SGCZ: variants seen among roughly 807,000 people sequenced by gnomAD.
SGCZ encodes the protein zeta-sarcoglycan.
SGCZ carries 40 observed loss-of-function variants against 41.3 expected under a neutral mutation model. The observed-to-expected ratio is 0.97, with a 90% CI of 0.75 to 1.26. SGCZ has a LOEUF of 1.26. Ranked by LOEUF, SGCZ falls within the 50% of genes most tolerant of loss-of-function variation. The pLI is 0.00. For synonymous variants in SGCZ, 206 were observed against 137.5 expected, an observed-to-expected ratio of 1.50 and a Z score of -3.49; for missense variants, 552 against 369.8, an observed-to-expected ratio of 1.49 and a Z score of -4.04.
chr8:14,247,131 C>T (rs1042041304), intron 3 of SGCZ, among the ~76,000 whole-genome samples: 6 of 152,084 alleles, frequency 3.9e-5, no homozygotes, highest in African/African-American at 1.4e-4. Flanking sequence ...ATGTATCAAT[C>T]AACTTTATGC....
intron 7 of SGCZ, among the ~76,000 whole-genome samples, chr8:14,095,460 G>A (rs568633461): frequency 1.3e-5 from 2 of 149,052 alleles, no homozygotes; most frequent in South Asian, 2.1e-4. Flanking sequence ...TTCTGAGGCC[G>A]CTGTTCTGTT....
intron 1 of SGCZ, among the ~76,000 whole-genome samples, chr8:14,759,799 G>T (rs1321575621): frequency 6.6e-6 from 1 of 152,136 alleles, no homozygotes; most frequent in Non-Finnish European, 1.5e-5. Context: ...GTATTAGTGA[G>T]TGTCTGTGAT....
At chr8:14,904,272 T>A (rs1799060534) in intron 1 of SGCZ, among the ~76,000 whole-genome samples, 1 of 152,078 alleles carries the variant, frequency 6.6e-6, no homozygotes, top group Non-Finnish European at 1.5e-5. Flanking sequence ...ATCCCTGTGG[T>A]CGTTCCTGAA....
At position 14,197,846 on chromosome 8, in the gene SGCZ, G is replaced by A. The variant is rs1379439546; in HGVS notation, c.425-33144C>T. On this transcript the variant is annotated intron_variant, in intron 4 of 7. Coordinates refer to ENST00000382080, the MANE Select transcript of SGCZ (RefSeq NM_139167.4). ...AAGAAAAATAAATGAATAACACAGA[G>A]TCTGGAAAAAACTTAAACAATTTCT... Among the ~76,000 whole-genome samples the A allele has an allele frequency of 4.0e-5, 6 of 151,870 alleles. No homozygotes were observed. In the East Asian group the frequency reaches 1.2e-3, roughly 29 times the overall value.
intron 1 of SGCZ, among the ~76,000 whole-genome samples, chr8:15,231,479 C>T (rs1801936732): frequency 6.6e-6 from 1 of 151,958 alleles, no homozygotes. Flanking sequence ...CTTAAATTTG[C>T]TCATTCTGTG....
At chr8:15,042,446 G>C (rs902101234) in intron 1 of SGCZ, among the ~76,000 whole-genome samples, 1 of 152,184 alleles carries the variant, frequency 6.6e-6, no homozygotes, top group Admixed American at 6.5e-5. Context: ...CAGGGCACTA[G>C]ACCCCACTGT....
At chr8:15,187,490 T>C (rs1175893011) in intron 1 of SGCZ, among the ~76,000 whole-genome samples, 1 of 152,096 alleles carries the variant, frequency 6.6e-6, no homozygotes, top group Non-Finnish European at 1.5e-5. Flanking sequence ...GATGTGATTT[T>C]AGGATATCTC....
intron 1 of SGCZ, among the ~76,000 whole-genome samples, chr8:14,942,783 G>T (rs1481176362): frequency 2.0e-5 from 3 of 151,986 alleles, no homozygotes; most frequent in African/African-American, 7.3e-5. Flanking sequence ...TCTTTCAGGT[G>T]CTTTGATATC....
chr8:15,115,719 T>C (rs2116938891), intron 1 of SGCZ, among the ~76,000 whole-genome samples: 1 of 152,320 alleles, frequency 6.6e-6, no homozygotes, highest in East Asian at 1.9e-4. Context: ...CAAATGTCTC[T>C]TTAGGTCATT....
intron 1 of SGCZ, among the ~76,000 whole-genome samples, chr8:15,191,769 G>C (rs969426190): frequency 2.0e-5 from 3 of 152,028 alleles, no homozygotes. Flanking sequence ...ATATATTTCA[G>C]AAAAGTGAGT....
intron 1 of SGCZ, among the ~76,000 whole-genome samples, chr8:14,841,887 C>A (rs777396135): frequency 1.3e-5 from 2 of 152,110 alleles, no homozygotes; most frequent in Non-Finnish European, 2.9e-5. Flanking sequence ...AGAACTGAGG[C>A]CACCTGACCT....
chr8:14,179,404 C>T (rs1425435860), intron 4 of SGCZ, among the ~76,000 whole-genome samples: 8 of 152,166 alleles, frequency 5.3e-5, no homozygotes, highest in Admixed American at 5.2e-4. Context: ...ATTCACAAGA[C>T]CAGTTCGCCT....
At chr8:14,469,405 A>C (rs1308250115) in intron 2 of SGCZ, among the ~76,000 whole-genome samples, 2 of 152,084 alleles carry the variant, frequency 1.3e-5, no homozygotes, top group Non-Finnish European at 2.9e-5. Context: ...TCACATATGC[A>C]TGGAACATAC....
intron 1 of SGCZ, among the ~76,000 whole-genome samples, chr8:14,675,727 A>G (rs1808256396): frequency 6.6e-6 from 1 of 152,214 alleles, no homozygotes; most frequent in African/African-American, 2.4e-5. Context: ...TGGAACTCCC[A>G]ACAAAATATG....
intron 4 of SGCZ, among the ~76,000 whole-genome samples, chr8:14,235,065 G>A (rs1806706766): frequency 6.6e-6 from 1 of 152,146 alleles, no homozygotes; most frequent in Non-Finnish European, 1.5e-5. Context: ...TGTAGACACT[G>A]ACAACACCAT....
chr8:14,344,580 G>T (rs1425816666), intron 2 of SGCZ, among the ~76,000 whole-genome samples: 1 of 151,964 alleles, frequency 6.6e-6, no homozygotes, highest in Non-Finnish European at 1.5e-5. Context: ...TCTACACAAT[G>T]CAAAAGAGAA....
At chr8:14,955,324 C>T (rs1800758065) in intron 1 of SGCZ, among the ~76,000 whole-genome samples, 2 of 152,152 alleles carry the variant, frequency 1.3e-5, no homozygotes, top group Non-Finnish European at 2.9e-5. Context: ...TTGTATAAGC[C>T]TATCAGTTTG....
At chr8:14,469,078 C>T (rs937150736) in intron 2 of SGCZ, among the ~76,000 whole-genome samples, 2 of 152,024 alleles carry the variant, frequency 1.3e-5, no homozygotes, top group South Asian at 2.1e-4. Flanking sequence ...TGGATTATTT[C>T]AAAATGAAAA....
intron 2 of SGCZ, among the ~76,000 whole-genome samples, chr8:14,486,517 C>T (rs1046947429): frequency 1.8e-4 from 27 of 152,368 alleles, no homozygotes; most frequent in African/African-American, 6.3e-4. Flanking sequence ...CACTATGCTA[C>T]AAGCCACTCA....
Sources: allele counts gnomAD v4.1 joint callset (sites outside exome capture counted in the v4.1 genomes callset), GRCh38; gene constraint gnomAD v4.1.1; transcripts MANE v1.5; gene names NCBI Gene and HGNC (gene_info 2026-07-23, HGNC 2026-07-21).